Variants in ARID4B observed in about 807,000 individuals in gnomAD.
ARID4B encodes the protein AT-rich interaction domain 4B.
Under a neutral mutation model 147.5 loss-of-function variants are expected in ARID4B, and 26 were observed. The observed-to-expected ratio is 0.18, with a 90% CI of 0.13 to 0.24. ARID4B has a LOEUF of 0.24. Among genes scored for constraint, ARID4B ranks in the 10% least tolerant of loss-of-function variants. ARID4B has a pLI of 1.00. For missense variants in ARID4B, 1,179 were observed against 1,511.5 expected (o/e 0.78, Z 3.65); for synonymous variants, 512 against 507.9 (o/e 1.01, Z -0.11).
intron 2 of ARID4B, among the ~76,000 whole-genome samples, chr1:235,317,317 T>A (rs1674510399): frequency 6.6e-6 from 1 of 152,182 alleles, no homozygotes; most frequent in Non-Finnish European, 1.5e-5. Flanking sequence ...ACTGTGGGTT[T>A]CATCAAGAAT....
At position 235,246,486 on chromosome 1, in the gene ARID4B, T is replaced by G. The variant is rs2103083667; in HGVS notation, c.380A>C (p.Asn127Thr). The G allele has an allele frequency of 6.2e-7, 1 of 1,613,850 alleles. No homozygotes were observed. The highest frequency in any genetic ancestry group is 1.6e-4 in the Middle Eastern group (1 of 6,062). ...SETLDQLPLT[N>T]PEHFGTPVIG... ...GACTGGAGTGCCAAAATGCTCAGGG[T>G]TGGTGAGTGGGAGCTGGTCTAATGT... is the stretch of plus-strand genomic sequence containing the variant. The change falls in exon 7 of 24, where the codon AAC becomes ACC. Residue 127 changes from asparagine to threonine, a missense_variant. Transcript: ENST00000264183.
At chr1:235,211,055 C>T (rs991015890) in intron 17 of ARID4B, among the ~76,000 whole-genome samples, 1 of 152,132 alleles carries the variant, frequency 6.6e-6, no homozygotes, top group African/African-American at 2.4e-5. Context: ...AAGCCTTGGC[C>T]GGGCACGGTG....
Position 235,224,557 on chromosome 1 carries a change from G to A in ARID4B, c.970+146C>T, listed in dbSNP as rs542410868. ...CTACTTGTTACGTGACAGGCGCTAT[G>A]CTAGGTGCTGGTGATATCAGAGTCA... On this transcript the variant is annotated intron_variant, in intron 12 of 23. Transcript: ENST00000264183. The A allele has an allele frequency of 9.8e-5, 63 of 642,288 alleles. No homozygotes were observed. The African/African-American group carries it at 1.0e-3, about 10-fold the overall frequency. The allele number at this position is 642,288 out of a possible 1,614,324, so 39.8% of individuals were successfully genotyped here. A position where few individuals can be genotyped will look rare whatever the true frequency, so the allele number is the denominator to read the frequency against.
intron 19 of ARID4B, among the ~76,000 whole-genome samples, chr1:235,183,790 TTCTCTC>T (rs923232580): frequency 6.6e-6 from 1 of 151,604 alleles, no homozygotes; most frequent in Non-Finnish European, 1.5e-5. Context: ...CTTTCTTTAT[TTCTCTC>T]TCTCTCTCTA....
At chr1:235,169,230 G>C (rs547651786) in intron 23 of ARID4B, among the ~76,000 whole-genome samples, 1 of 147,860 alleles carries the variant, frequency 6.8e-6, no homozygotes, top group Non-Finnish European at 1.5e-5. Context: ...TCCTTTTTTC[G>C]TTTTTTTTTG....
At chr1:235,250,421 T>C (rs944702187) in intron 6 of ARID4B, among the ~76,000 whole-genome samples, 24 of 152,220 alleles carry the variant, frequency 1.6e-4, no homozygotes, top group East Asian at 1.9e-4. Flanking sequence ...AATTCCCCTA[T>C]TGGGTGCACT....
rs1454573016 is a variant in ARID4B at position 235,219,844 on chromosome 1, T to C, written c.1532A>G (p.Asp511Gly). 6.2e-7 allele frequency: 1 copy of C among 1,604,968 alleles called. No individual in the cohort carries two copies. The highest frequency in any genetic ancestry group is 8.5e-7 in the Non-Finnish European group (1 of 1,177,900). The change falls in exon 16 of 24, where the codon GAT becomes GGT. Residue 511 changes from aspartate to glycine, a missense_variant. Asp to Gly is a moderately conservative substitution (Grantham distance 94). Around this residue, in one of 10 missense-constraint regions of ARID4B, gnomAD observed 204 missense variants for 210.9 expected, o/e 0.97. Transcript: ENST00000264183. ...DDKDDDTTRVDESLNIKVEAE... is the reference protein window; with the variant it reads ...DDKDDDTTRVGESLNIKVEAE... ...TTCTACCTTTATGTTGAGGGATTCA[T>C]CTACCCTAGTTGTGTCATCATCTTT...
chr1:235,255,489 C>T (rs1399611734), intron 5 of ARID4B, among the ~76,000 whole-genome samples, 171 bp downstream of exon 5: 1 of 151,846 alleles, frequency 6.6e-6, no homozygotes, highest in Admixed American at 6.6e-5. Flanking sequence ...GTTACATATA[C>T]ATACATATAC....
chr1:235,183,286 G>A (rs1664445710), intron 19 of ARID4B, among the ~76,000 whole-genome samples: 1 of 151,456 alleles, frequency 6.6e-6, no homozygotes, highest in Non-Finnish European at 1.5e-5. Flanking sequence ...TCGGCTCACA[G>A]CAAGCTCTGC....
intron 10 of ARID4B, among the ~76,000 whole-genome samples, chr1:235,230,594 T>TAAAAAA (rs1175996354): frequency 3.4e-5 from 2 of 58,382 alleles, no homozygotes; most frequent in African/African-American, 1.3e-4. Context: ...GACTATAAGC[T>TAAAAAA]AAAAAAAAAA....
chr1:235,202,751 T>C (rs924932933), intron 17 of ARID4B, among the ~76,000 whole-genome samples: 2 of 151,954 alleles, frequency 1.3e-5, no homozygotes, highest in East Asian at 1.9e-4. Flanking sequence ...GGTTTTGCCA[T>C]GTTGGCCAGA....
intron 20 of ARID4B, 86 bp downstream of exon 20, chr1:235,181,499 G>A: frequency 1.1e-5 from 16 of 1,477,184 alleles, no homozygotes; most frequent in Non-Finnish European, 1.4e-5. Flanking sequence ...AATCGCCTCA[G>A]GTTATAACAA....
chr1:235,251,293 C>T (rs769353235), intron 6 of ARID4B, among the ~76,000 whole-genome samples: 32 of 150,412 alleles, frequency 2.1e-4, no homozygotes, highest in African/African-American at 7.1e-4. Flanking sequence ...AGAGAGCTCA[C>T]GAAAGACATA....
intron 7 of ARID4B, among the ~76,000 whole-genome samples, chr1:235,245,309 T>C (rs1308710145): frequency 6.6e-6 from 1 of 151,764 alleles, no homozygotes; most frequent in Non-Finnish European, 1.5e-5. Context: ...CATCTAACAG[T>C]TGGGGAACGA....
intron 17 of ARID4B, among the ~76,000 whole-genome samples, chr1:235,203,604 A>C (rs1413778044): frequency 6.6e-6 from 1 of 152,170 alleles, no homozygotes; most frequent in African/African-American, 2.4e-5. Context: ...TAATGAATAG[A>C]TTCATTTAAT....
At chr1:235,305,141 A>T (rs1212883778) in intron 2 of ARID4B, among the ~76,000 whole-genome samples, 1 of 152,220 alleles carries the variant, frequency 6.6e-6, no homozygotes, top group Admixed American at 6.5e-5. Flanking sequence ...CTTATAAGTG[A>T]AAGAGGGAGG....
At chr1:235,172,873 A>G in intron 22 of ARID4B, 109 bp from the exon 23 acceptor site, 2 of 887,654 alleles carry the variant, frequency 2.3e-6, no homozygotes, top group Non-Finnish European at 3.2e-6. Context: ...CAGATGAACT[A>G]AAAAACTAAG....
intron 19 of ARID4B, among the ~76,000 whole-genome samples, chr1:235,190,303 C>A (rs1665005384): frequency 1.3e-5 from 2 of 152,038 alleles, no homozygotes; most frequent in African/African-American, 2.4e-5. Flanking sequence ...GAAAAACTAG[C>A]CAGGCGTGGT....
chr1:235,242,556 G>A (rs143129518), intron 7 of ARID4B, among the ~76,000 whole-genome samples: 3 of 152,144 alleles, frequency 2.0e-5, no homozygotes, highest in African/African-American at 7.2e-5. Flanking sequence ...AGGGGTTTAT[G>A]AACACTCTAT....
Sources: allele counts gnomAD v4.1 joint callset (sites outside exome capture counted in the v4.1 genomes callset), GRCh38; gene constraint gnomAD v4.1.1; regional missense constraint gnomAD v4.1.1; transcripts MANE v1.5; gene names NCBI Gene and HGNC (gene_info 2026-07-23, HGNC 2026-07-21).